ANOS1: variants seen among roughly 807,000 people sequenced by gnomAD.
ANOS1 encodes anosmin 1, also known as anosmin-1.
Under a neutral mutation model 59.0 loss-of-function variants are expected in ANOS1, and 6 were observed. That is an observed-to-expected ratio of 0.10 (90% CI 0.06 to 0.20). The LOEUF (loss-of-function observed/expected upper bound fraction) is 0.20. ANOS1 is among the 10% of genes least tolerant of loss of function. The probability of loss-of-function intolerance (pLI) is 1.00; values close to 1 mark genes in which losing one functional copy is unlikely to be tolerated. For missense variants in ANOS1, 433 were observed against 542.3 expected (o/e 0.80, Z 2.00); for synonymous variants, 217 against 223.4 (o/e 0.97, Z 0.25).
At chrX:8,713,526 C>T (rs6530199) in intron 1 of ANOS1, among the ~76,000 whole-genome samples, 4 of 110,352 alleles carry the variant, frequency 3.6e-5, no homozygotes, top group South Asian at 3.8e-4. Flanking sequence ...CTGATCCCCA[C>T]GAAAGCCTGA....
Position 8,585,317 on chromosome X carries a change from T to C in ANOS1, c.806A>G (p.His269Arg). ...GGGGGCAGTGAAGCCTCGAGTTCCA[T>C]GCACATTCACAGCAGCCACTCGAAA... ...YQFRVAAVNV[H>R]GTRGFTAPSK... The change falls in exon 6 of 14, where the codon CAT becomes CGT. Residue 269 changes from histidine (H) to arginine (R), a missense_variant. Physicochemically the swap from His to Arg is conservative, Grantham distance 29 (BLOSUM62 0). Transcript: ENST00000262648. 2 of 1,210,201 alleles carry C rather than the reference T, an allele frequency of 1.7e-6. No homozygotes were observed. Among genetic ancestry groups the C allele is most frequent in the Non-Finnish European group, 2.2e-6 (2 of 894,041 alleles).
chrX:8,563,984 G>T (rs1930071908), intron 8 of ANOS1, among the ~76,000 whole-genome samples: 2 of 111,486 alleles, frequency 1.8e-5, no homozygotes. Context: ...ACAGGCTACA[G>T]ACATCTGGTA....
intron 2 of ANOS1, among the ~76,000 whole-genome samples, chrX:8,672,924 A>C (rs1320670664): frequency 8.9e-6 from 1 of 111,863 alleles, no homozygotes; most frequent in Non-Finnish European, 1.9e-5. Flanking sequence ...GGAAAATAAC[A>C]AAAGCAATAA....
intron 9 of ANOS1, among the ~76,000 whole-genome samples, chrX:8,546,228 T>G (rs1929769945): frequency 8.9e-6 from 1 of 112,133 alleles, no homozygotes; most frequent in Admixed American, 9.5e-5. Context: ...GGTTTGGGAT[T>G]CTGTAGATCA....
At chrX:8,617,630 A>T (rs1473974267) in intron 3 of ANOS1, among the ~76,000 whole-genome samples, 1 of 110,165 alleles carries the variant, frequency 9.1e-6, no homozygotes, top group African/African-American at 3.3e-5. Flanking sequence ...AAAATACAAA[A>T]ATTAGCTGGG....
At chrX:8,642,269 A>T (rs1192398063) in intron 2 of ANOS1, among the ~76,000 whole-genome samples, 1 of 112,000 alleles carries the variant, frequency 8.9e-6, no homozygotes, top group African/African-American at 3.2e-5. Context: ...AAAAGATTAC[A>T]TGCTGTATGA....
intron 1 of ANOS1, among the ~76,000 whole-genome samples, chrX:8,703,372 C>T (rs189190647): frequency 6.2e-5 from 7 of 112,162 alleles, no homozygotes; most frequent in Admixed American, 4.7e-4. Flanking sequence ...ATATCACTAA[C>T]GCGGCAATAC....
intron 3 of ANOS1, among the ~76,000 whole-genome samples, chrX:8,605,953 C>T (rs758369390): frequency 9.8e-6 from 1 of 102,179 alleles, no homozygotes; most frequent in South Asian, 4.6e-4. Context: ...GGAAAATAAA[C>T]TCTGTGAGTG....
At chrX:8,626,733 C>T (rs923542481) in intron 2 of ANOS1, among the ~76,000 whole-genome samples, 4 of 107,686 alleles carry the variant, frequency 3.7e-5, no homozygotes, top group East Asian at 2.9e-4. Context: ...TGGTGGCGGG[C>T]GCCTGTAGTC....
intron 2 of ANOS1, among the ~76,000 whole-genome samples, chrX:8,634,431 A>G (rs1931540370): frequency 8.9e-6 from 1 of 111,935 alleles, no homozygotes; most frequent in Admixed American, 9.5e-5. Context: ...TCAAGCAACT[A>G]GAAACCAGGG....
chrX:8,697,100 G>A (rs886895137), intron 2 of ANOS1, among the ~76,000 whole-genome samples: 2 of 111,485 alleles, frequency 1.8e-5, no homozygotes, highest in Admixed American at 9.6e-5. Flanking sequence ...AAAATTAGCC[G>A]GGCATGGTGG....
At chrX:8,659,820 G>C (rs1214761071) in intron 2 of ANOS1, among the ~76,000 whole-genome samples, 1 of 110,050 alleles carries the variant, frequency 9.1e-6, no homozygotes, top group Non-Finnish European at 1.9e-5. Context: ...GTAGAGATGG[G>C]ATTTTGCCAT....
At chrX:8,542,923 T>C (rs933166346) in intron 9 of ANOS1, among the ~76,000 whole-genome samples, 2 of 110,710 alleles carry the variant, frequency 1.8e-5, no homozygotes, top group African/African-American at 6.6e-5. Flanking sequence ...ATACTCAGCC[T>C]GGCTTCCAGG....
intron 3 of ANOS1, among the ~76,000 whole-genome samples, chrX:8,622,483 A>G (rs1380642027): frequency 8.9e-6 from 1 of 112,237 alleles, no homozygotes. Flanking sequence ...TGAAGACCAG[A>G]CCAATGTCTC....
chrX:8,554,689 T>A (rs1373656057), intron 8 of ANOS1, among the ~76,000 whole-genome samples: 1 of 107,261 alleles, frequency 9.3e-6, no homozygotes, highest in African/African-American at 3.4e-5. Flanking sequence ...CTAAAATAAA[T>A]ATATATGCCA....
chrX:8,668,283 T>C lies in ANOS1; in HGVS notation c.255+31415A>G, dbSNP rs1404924714. ...CACTTAGGAGTGAGAATATATGATG[T>C]TTAGTTTTCCATTCCTGAGTTACTT... On this transcript the variant is annotated intron_variant, in intron 2 of 13. Transcript: ENST00000262648. Among the ~76,000 whole-genome samples the C allele has an allele frequency of 2.8e-5, 3 of 106,282 alleles. No individual in the cohort carries two copies. In the East Asian group the frequency reaches 8.8e-4, roughly 31 times the overall value. 92.3% of individuals were successfully genotyped at this position (106,282 alleles called of 115,157 possible). A position where few individuals can be genotyped will look rare whatever the true frequency, so the allele number is the denominator to read the frequency against.
chrX:8,730,775 GAGA>G (rs200750435), intron 1 of ANOS1, among the ~76,000 whole-genome samples: 4,327 of 112,348 alleles, frequency 0.039, 88 homozygotes, highest in Non-Finnish European at 0.055. Flanking sequence ...GGATAGAGGC[GAGA>G]AGAAGAAGGA....
chrX:8,695,532 T>G (rs1039542894), intron 2 of ANOS1, among the ~76,000 whole-genome samples: 2 of 111,298 alleles, frequency 1.8e-5, no homozygotes, highest in Admixed American at 1.9e-4. Context: ...TATGTATCCC[T>G]AAATGAAGCT....
At position 8,667,232 on chromosome X, in the gene ANOS1, A is replaced by G. The variant is rs1441726275; in HGVS notation, c.255+32466T>C. ...TTTACATTGGTTTGACTGGATATTC[A>G]AGCCTTCCCGTACTGGACAAATGAA... On this transcript the variant is annotated intron_variant, in intron 2 of 13. Transcript: ENST00000262648. 6.3e-5 allele frequency among the ~76,000 whole-genome samples: 7 copies of G among 111,148 alleles called. No homozygotes were observed. The East Asian group carries it at 2.0e-3, about 32-fold the overall frequency.
Sources: gnomAD v4.1 joint callset for allele counts (sites outside exome capture counted in the v4.1 genomes callset) on GRCh38, gnomAD v4.1.1 for gene constraint, MANE v1.5 for transcripts, NCBI Gene and HGNC (gene_info 2026-07-23, HGNC 2026-07-21) for gene names.